NPAS2: variants seen among roughly 807,000 people sequenced by gnomAD.
NPAS2 encodes the protein neuronal PAS domain-containing protein 2.
A neutral mutation model predicts 107.5 loss-of-function variants in NPAS2; 23 were observed. That is an observed-to-expected ratio of 0.21 (90% confidence interval 0.15 to 0.30). The LOEUF (loss-of-function observed/expected upper bound fraction) is 0.30, where lower values mean the gene tolerates loss of function less well. Ranked by LOEUF, NPAS2 falls within the 10% of genes least tolerant of loss-of-function variation. The pLI, the probability that NPAS2 is intolerant of heterozygous loss-of-function variation, is 1.00. For missense variants in NPAS2, 756 were observed against 1,043.3 expected (o/e 0.72, Z 3.79); for synonymous variants, 403 against 417.5 (o/e 0.97, Z 0.42).
chr2:100,984,267 G>A (rs778247313), intron 16 of NPAS2: 14 of 152,248 alleles, frequency 9.2e-5, no homozygotes, highest in Non-Finnish European at 1.6e-4. Context: ...TTGTTTTTTT[G>A]TAAGACTTAA....
chr2:100,869,494 C>T (rs552538253), intron 1 of NPAS2, among the ~76,000 whole-genome samples: 112 of 152,276 alleles, frequency 7.4e-4, no homozygotes, highest in Admixed American at 1.2e-3. Flanking sequence ...TGAAACCACT[C>T]GAAATGATCT....
At position 100,974,830 on chromosome 2, in the gene NPAS2, C is replaced by A. The variant is rs1270125449; in HGVS notation, c.1168C>A (p.Gln390Lys). The A allele has an allele frequency of 1.2e-6, 2 of 1,614,058 alleles. No individual in the cohort carries two copies. The highest frequency in any genetic ancestry group is 2.2e-5 in the South Asian group (2 of 91,068). Reference sequence around the variant, plus strand: ...CAAGGGCTCAAGCCTGGAACCTCGGCAGCACTTTAACACACTCGACGTGGG... The same window carrying A: ...CAAGGGCTCAAGCCTGGAACCTCGGAAGCACTTTAACACACTCGACGTGGG... Reference protein sequence around the residue: ...KDKGSSLEPRQHFNTLDVGAS... With the variant: ...KDKGSSLEPRKHFNTLDVGAS... Residue 390 changes from glutamine to lysine, a missense_variant, in exon 13 of 21, where the codon CAG (glutamine) becomes AAG (lysine). Gln to Lys is a moderately conservative substitution (Grantham distance 53). Coordinates refer to ENST00000335681, the MANE Select transcript of NPAS2 (RefSeq NM_002518.4).
intron 3 of NPAS2, among the ~76,000 whole-genome samples, chr2:100,926,967 C>A (rs1414712759): frequency 9.0e-6 from 1 of 111,330 alleles, no homozygotes; most frequent in Non-Finnish European, 1.8e-5. Context: ...TTGAGACAGT[C>A]TTGTTCTGTC....
rs573756251 is a variant in NPAS2, at chr2:100,885,126, A to T, written c.-22-19607A>T. Among the ~76,000 whole-genome samples the T allele has an allele frequency of 5.1e-4, 78 of 151,736 alleles. 1 individual carries two copies. The East Asian group carries it at 0.014, about 27-fold the overall frequency. On this transcript the variant is annotated intron_variant, in intron 1 of 20. Transcript: ENST00000335681. Reference sequence around the variant, plus strand: ...AGCACGCCCAGCTAATTTTTTTTGTATTTTTAGTAGAGATGGGGTTTCACC... The same window carrying T: ...AGCACGCCCAGCTAATTTTTTTTGTTTTTTTAGTAGAGATGGGGTTTCACC...
intron 1 of NPAS2, among the ~76,000 whole-genome samples, chr2:100,859,086 G>A (rs771313836): frequency 3.3e-5 from 5 of 152,198 alleles, no homozygotes; most frequent in African/African-American, 4.8e-5. Context: ...CCAACAAGGC[G>A]AAACCCTGTA....
chr2:100,961,060 A>G (rs1412641170), intron 7 of NPAS2, among the ~76,000 whole-genome samples: 1 of 152,170 alleles, frequency 6.6e-6, no homozygotes, highest in African/African-American at 2.4e-5. Context: ...ATCTGAGCAA[A>G]CAGGGCTGCT....
At chr2:100,923,496 A>G (rs557872278) in intron 2 of NPAS2, among the ~76,000 whole-genome samples, 2 of 152,234 alleles carry the variant, frequency 1.3e-5, no homozygotes, top group East Asian at 3.9e-4. Flanking sequence ...TTTGTGTCCA[A>G]GGGCTGTTTA....
chr2:100,991,356 T>G (rs1678120436), intron 19 of NPAS2, among the ~76,000 whole-genome samples: 2 of 152,220 alleles, frequency 1.3e-5, no homozygotes, highest in African/African-American at 2.4e-5. Flanking sequence ...GCAGCTTTAC[T>G]CAGCTACTTA....
chr2:100,977,569 A>G, intron 14 of NPAS2, 141 bp from the exon 15 acceptor site: 1 of 688,624 alleles, frequency 1.5e-6, no homozygotes, highest in Non-Finnish European at 2.6e-6. Context: ...CAGGGAACAG[A>G]CACCTATACT....
intron 1 of NPAS2, among the ~76,000 whole-genome samples, chr2:100,870,880 A>G (rs1264852541): frequency 2.6e-5 from 4 of 152,212 alleles, no homozygotes; most frequent in African/African-American, 9.6e-5. Flanking sequence ...TGGGGAGTCA[A>G]TGCTTCCTCT....
intron 2 of NPAS2, among the ~76,000 whole-genome samples, chr2:100,914,170 G>T (rs552553440): frequency 2.0e-4 from 31 of 152,230 alleles, no homozygotes; most frequent in African/African-American, 7.0e-4. Context: ...TATGGGTGTG[G>T]GTGTGTGTGT....
chr2:100,926,205 A>G (rs780320710), intron 3 of NPAS2, among the ~76,000 whole-genome samples: 7 of 152,072 alleles, frequency 4.6e-5, no homozygotes, highest in Non-Finnish European at 7.4e-5. Context: ...GTTGTTTACA[A>G]TTTTTGGAAA....
intron 1 of NPAS2, among the ~76,000 whole-genome samples, chr2:100,894,350 G>A (rs767040367): frequency 1.3e-4 from 20 of 152,258 alleles, no homozygotes; most frequent in Admixed American, 5.2e-4. Flanking sequence ...CACAATGGCC[G>A]GTTGCTTTCC....
rs372061688 is a variant in NPAS2 at position 100,845,309 on chromosome 2, T to A, written c.-23+24895T>A. Among the ~76,000 whole-genome samples, 6 of 152,306 alleles carry A rather than the reference T, an allele frequency of 3.9e-5. No homozygotes were observed. The South Asian group carries it at 6.2e-4, about 16-fold the overall frequency. On this transcript the variant is annotated intron_variant, in intron 1 of 20. Transcript: ENST00000335681. ...ATAGAGGTCTGACTTCTTCCAAGTC[T>A]GACGTGGAGCAGGCTGGCTCCATGC...
chr2:100,819,927 G>A (rs1405589902), upstream of NPAS2, among the ~76,000 whole-genome samples: 1 of 151,974 alleles, frequency 6.6e-6, no homozygotes, highest in Non-Finnish European at 1.5e-5. The surrounding 1 kb of genome is among the most constrained non-coding windows in gnomAD (Gnocchi z 5.8). Flanking sequence ...CAGGGAAGCC[G>A]GGGGTCTAGG....
At chr2:100,863,361 G>A (rs531567244) in intron 1 of NPAS2, among the ~76,000 whole-genome samples, 2 of 152,292 alleles carry the variant, frequency 1.3e-5, no homozygotes, top group South Asian at 4.1e-4. Context: ...GGTTTGATGG[G>A]AACCCCATGC....
chr2:100,940,205 G>A (rs1674492551), intron 5 of NPAS2, among the ~76,000 whole-genome samples: 1 of 152,188 alleles, frequency 6.6e-6, no homozygotes, highest in Non-Finnish European at 1.5e-5. Flanking sequence ...TTCCACTATG[G>A]GGAGGAAGCC....
intron 1 of NPAS2, among the ~76,000 whole-genome samples, chr2:100,830,109 C>G (rs1339560070): frequency 2.0e-5 from 3 of 152,194 alleles, no homozygotes; most frequent in Non-Finnish European, 1.5e-5. Context: ...GTCTTTGTTG[C>G]ATGCATTGAG....
chr2:100,915,004 G>T (rs1008048703), intron 2 of NPAS2, among the ~76,000 whole-genome samples: 3 of 152,178 alleles, frequency 2.0e-5, no homozygotes, highest in Admixed American at 6.5e-5. Flanking sequence ...ACAGAGAGAG[G>T]ACCAGGAGCT....
Sources: gnomAD v4.1 joint callset for allele counts (sites outside exome capture counted in the v4.1 genomes callset) on GRCh38, gnomAD v4.1.1 for gene constraint, Gnocchi (gnomAD v3.1) non-coding constraint, MANE v1.5 for transcripts, NCBI Gene and HGNC (gene_info 2026-07-23, HGNC 2026-07-21) for gene names.